Variants in TTBK2 observed in about 807,000 individuals in gnomAD.
TTBK2 encodes the protein tau tubulin kinase 2, also known as tau-tubulin kinase 2.
TTBK2 carries 28 observed loss-of-function variants against 110.8 expected under a neutral mutation model. The ratio of observed to expected loss-of-function variants is 0.25; its 90% CI spans 0.19 to 0.35. The LOEUF is 0.35. Ranked by LOEUF, TTBK2 falls within the 10% of genes least tolerant of loss-of-function variation. The pLI is 1.00. For missense variants in TTBK2, 1,369 were observed against 1,500.3 expected (o/e 0.91, Z 1.45); for synonymous variants, 532 against 527.3 (o/e 1.01, Z -0.12).
rs1362682323 is a variant in TTBK2, at chr15:42,745,314, A to C, written c.*481T>G. On this transcript the variant is annotated 3_prime_UTR_variant, in exon 15 of 15. Coordinates refer to ENST00000267890, the MANE Select transcript of TTBK2 (RefSeq NM_173500.4). ...TAAACACACAAGCCAAATATACATG[A>C]ATACTGGCTCCCTGGCAACAGACTT... 1 of 186,910 alleles carries C rather than the reference A, an allele frequency of 5.4e-6. No homozygotes were observed. The highest frequency in any genetic ancestry group is 1.1e-5 in the Non-Finnish European group (1 of 88,394). 11.6% of individuals were successfully genotyped at this position (186,910 alleles called of 1,614,324 possible).
chr15:42,789,382 A>G lies in TTBK2; in HGVS notation c.980+5262T>C, dbSNP rs117725671. On this transcript the variant is annotated intron_variant, in intron 10 of 14. Coordinates refer to ENST00000267890, the MANE Select transcript of TTBK2 (RefSeq NM_173500.4). ...TTATTTCTGTCTGGCTTATTTCACTAAGCATGTCTTTTAGTTCCACCTATG... is the reference window on the plus strand; with the variant it reads ...TTATTTCTGTCTGGCTTATTTCACTGAGCATGTCTTTTAGTTCCACCTATG... Among the ~76,000 whole-genome samples the G allele has an allele frequency of 2.0e-3, 304 of 152,164 alleles. 10 individuals carry two copies. The East Asian group carries it at 0.056, about 28-fold the overall frequency.
At chr15:42,916,917 C>A (rs2031111056) in intron 1 of TTBK2, among the ~76,000 whole-genome samples, 2 of 152,020 alleles carry the variant, frequency 1.3e-5, no homozygotes, top group Admixed American at 6.5e-5. Context: ...TATATAATGG[C>A]AAATATGTTT....
intron 3 of TTBK2, among the ~76,000 whole-genome samples, chr15:42,868,663 C>T (rs1894482145): frequency 6.6e-6 from 1 of 150,844 alleles, no homozygotes; most frequent in Admixed American, 6.6e-5. Flanking sequence ...TTGAGACCAG[C>T]CTGGGCAACA....
chr15:42,845,445 C>T (rs1004701400), intron 3 of TTBK2, among the ~76,000 whole-genome samples: 1 of 151,750 alleles, frequency 6.6e-6, no homozygotes, highest in African/African-American at 2.4e-5. Context: ...GTGGGTGGAT[C>T]ACCTGAGGTC....
At chr15:42,818,622 A>G (rs1341490807) in intron 6 of TTBK2, among the ~76,000 whole-genome samples, 1 of 152,074 alleles carries the variant, frequency 6.6e-6, no homozygotes, top group African/African-American at 2.4e-5. Context: ...CGGGAGGCAG[A>G]GGCAGGAGAA....
chr15:42,877,807 T>A (rs1894870970), intron 2 of TTBK2, among the ~76,000 whole-genome samples: 1 of 152,128 alleles, frequency 6.6e-6, no homozygotes, highest in Non-Finnish European at 1.5e-5. Flanking sequence ...GGTATTATGA[T>A]TATGTTTTTA....
At chr15:42,801,415 A>G (rs774131596) in intron 9 of TTBK2, 2 of 1,097,546 alleles carry the variant, frequency 1.8e-6, no homozygotes. Flanking sequence ...TCTGCGTGGC[A>G]GCCTCCAGGG....
chr15:42,882,018 G>T, intron 1 of TTBK2, among the ~76,000 whole-genome samples: 1 of 152,050 alleles, frequency 6.6e-6, no homozygotes, highest in East Asian at 1.9e-4. Flanking sequence ...ACAATGTGAA[G>T]ATAAAATATT....
At position 42,777,072 on chromosome 15, in the gene TTBK2, G is replaced by C. The variant is rs1260629580; in HGVS notation, c.1368C>G (p.Thr456=). 1.2e-6 allele frequency: 2 copies of C among 1,613,974 alleles called. No individual in the cohort carries two copies. Among genetic ancestry groups the C allele is most frequent in the South Asian group, 1.1e-5 (1 of 91,078 alleles). Residue 456 remains threonine, a synonymous_variant, in exon 12 of 15, where the codon ACC becomes ACG. Coordinates refer to ENST00000267890, the MANE Select transcript of TTBK2 (RefSeq NM_173500.4). ...TGTCAGTGTCTGGCTTTGGCTCCAG[G>C]GTCAGACGTTTTTCCAGCTCAAAGC... is the stretch of plus-strand genomic sequence containing the variant. ...IHSFELEKRL[T]LEPKPDTDKF...
At chr15:42,885,108 T>C (rs1895190971) in intron 1 of TTBK2, among the ~76,000 whole-genome samples, 2 of 152,218 alleles carry the variant, frequency 1.3e-5, no homozygotes, top group African/African-American at 4.8e-5. Flanking sequence ...TCAGCCCACC[T>C]GCACCTAGGT....
At chr15:42,840,507 G>C in intron 3 of TTBK2, 74 bp from the exon 4 acceptor site, 1 of 1,304,136 alleles carries the variant, frequency 7.7e-7, no homozygotes, top group Admixed American at 1.7e-5. Context: ...TTGCTTTTCT[G>C]TATAGTGTTT....
chr15:42,802,319 C>T (rs1891255508), intron 9 of TTBK2: 1 of 775,138 alleles, frequency 1.3e-6, no homozygotes, highest in Non-Finnish European at 2.3e-6. Context: ...ATGCAGGCAC[C>T]AGGCCCACTC....
Position 42,775,694 on chromosome 15 carries a change from G to C in TTBK2, c.1439C>G (p.Ala480Gly). The part of the protein sequence containing the change: ...CLEKMQKDTS[A>G]GKESILPALL... ...AGCAGGGAGAATAGATTCTTTTCCT[G>C]CACTGGTATCTTTCTGCATTTTCTC... The change falls in exon 13 of 15, where the codon GCA (alanine) becomes GGA (glycine). Residue 480 changes from alanine (A) to glycine (G), a missense_variant. Physicochemically the swap from Ala to Gly is moderately conservative, Grantham distance 60. Around this residue, in one of 4 missense-constraint regions of TTBK2, gnomAD observed 1,097 missense variants for 1,114.7 expected, o/e 0.98. Coordinates refer to ENST00000267890, the MANE Select transcript of TTBK2 (RefSeq NM_173500.4). 2 of 1,613,058 alleles carry C rather than the reference G, an allele frequency of 1.2e-6. No individual in the cohort carries two copies. The highest frequency in any genetic ancestry group is 1.7e-6 in the Non-Finnish European group (2 of 1,179,938).
chr15:42,746,447 G>A (rs1356915246), intron 14 of TTBK2, among the ~76,000 whole-genome samples, 190 bp from the exon 15 acceptor site: 1 of 152,148 alleles, frequency 6.6e-6, no homozygotes, highest in African/African-American at 2.4e-5. Flanking sequence ...TGCTTTCAAT[G>A]GGAATACTGT....
chr15:42,909,415 T>C (rs2030615856), intron 1 of TTBK2, among the ~76,000 whole-genome samples: 1 of 152,210 alleles, frequency 6.6e-6, no homozygotes, highest in South Asian at 2.1e-4. Flanking sequence ...CTTATCTCTC[T>C]CTGACAAAGT....
intron 10 of TTBK2, among the ~76,000 whole-genome samples, chr15:42,791,079 G>A (rs1007666077): frequency 1.3e-5 from 2 of 152,100 alleles, no homozygotes; most frequent in Admixed American, 6.6e-5. Flanking sequence ...AGTAGAGACG[G>A]GGTTTCACTG....
At chr15:42,900,272 A>G (rs1486101543) in intron 1 of TTBK2, among the ~76,000 whole-genome samples, 2 of 152,110 alleles carry the variant, frequency 1.3e-5, no homozygotes, top group African/African-American at 2.4e-5. Context: ...GATTACAGGC[A>G]TGAGCCACCG....
At chr15:42,879,699 A>G (rs571185339) in intron 1 of TTBK2, among the ~76,000 whole-genome samples, 4 of 152,158 alleles carry the variant, frequency 2.6e-5, no homozygotes, top group Admixed American at 6.5e-5. Flanking sequence ...ACCTTTACTC[A>G]ATAGCAAAAA....
chr15:42,830,336 T>C (rs1892700472), intron 4 of TTBK2, among the ~76,000 whole-genome samples: 1 of 152,028 alleles, frequency 6.6e-6, no homozygotes, highest in African/African-American at 2.4e-5. Flanking sequence ...TACAGGTGCA[T>C]GCCATCATGC....
Sources: allele counts gnomAD v4.1 joint callset (sites outside exome capture counted in the v4.1 genomes callset), GRCh38; gene constraint gnomAD v4.1.1; regional missense constraint gnomAD v4.1.1; transcripts MANE v1.5; gene names NCBI Gene and HGNC (gene_info 2026-07-23, HGNC 2026-07-21).